Variants in TTC34 observed in about 807,000 individuals in gnomAD.
The protein encoded by TTC34 is tetratricopeptide repeat domain 34.
A neutral mutation model predicts 40.7 loss-of-function variants in TTC34; 44 were observed. That is an observed-to-expected ratio of 1.08 (90% CI 0.85 to 1.39). The LOEUF (loss-of-function observed/expected upper bound fraction) is 1.39. TTC34 is among the 40% of genes most tolerant of loss of function. TTC34 has a pLI of 0.00. For missense variants in TTC34, 884 were observed against 838.0 expected (o/e 1.05, Z -0.68); for synonymous variants, 422 against 398.6 (o/e 1.06, Z -0.70).
intron 6 of TTC34, among the ~76,000 whole-genome samples, chr1:2,749,642 A>ATC (rs1641253490): frequency 9.0e-6 from 1 of 110,672 alleles, no homozygotes; most frequent in East Asian, 2.6e-4. Flanking sequence ...CAGCCCCCAC[A>ATC]CCCAGAGGTG....
At chr1:2,693,239 TCTGA>T (rs1640708503) in intron 6 of TTC34, among the ~76,000 whole-genome samples, 1 of 136,876 alleles carries the variant, frequency 7.3e-6, no homozygotes, top group African/African-American at 2.8e-5. Context: ...CAGGTGAGCA[TCTGA>T]CAGCCTGGAA....
intron 6 of TTC34, among the ~76,000 whole-genome samples, chr1:2,750,232 C>A (rs1641270201): frequency 1.3e-5 from 2 of 152,086 alleles, no homozygotes; most frequent in African/African-American, 4.8e-5. Flanking sequence ...TGGTCTGGAG[C>A]AGCACCCACA....
intron 6 of TTC34, among the ~76,000 whole-genome samples, chr1:2,653,550 CCAGGA>C (rs1639225801): frequency 1.4e-5 from 2 of 142,480 alleles, no homozygotes; most frequent in South Asian, 2.3e-4. Flanking sequence ...TATCTGACGG[CCAGGA>C]ATAGCACCCA....
rs543248401 is a variant in TTC34, at chr1:2,694,814, C to T, written c.2227-49251G>A. 1.1e-4 allele frequency among the ~76,000 whole-genome samples: 10 copies of T among 89,988 alleles called. 2 individuals are homozygous for T. In the South Asian group the frequency reaches 2.9e-3, roughly 26 times the overall value. 59.0% of individuals were successfully genotyped at this position (89,988 alleles called of 152,430 possible). On this transcript the variant is annotated intron_variant, in intron 6 of 8. Transcript: ENST00000401095. ...CACACCCAGGCGAGCATCTGACAGC[C>T]TGGAACGACACCCACACCCCCAGGT... is the stretch of plus-strand genomic sequence containing the variant.
chr1:2,684,675 A>C, intron 6 of TTC34, among the ~76,000 whole-genome samples: 3 of 122,854 alleles, frequency 2.4e-5, no homozygotes, highest in African/African-American at 3.7e-5. Context: ...CAGCACCCAC[A>C]CGCCCAGGTG....
chr1:2,649,932 C>T (rs1639094639), intron 6 of TTC34, among the ~76,000 whole-genome samples: 1 of 149,644 alleles, frequency 6.7e-6, no homozygotes, highest in Non-Finnish European at 1.5e-5. Context: ...TCTGCATCCC[C>T]AGGTGAGCAT....
rs555446310 is a variant in TTC34 at position 2,649,357 on chromosome 1, C to G, written c.2227-3794G>C. Among the ~76,000 whole-genome samples, 54 of 152,160 alleles carry G rather than the reference C, an allele frequency of 3.5e-4. No individual in the cohort carries two copies. In the South Asian group the frequency reaches 0.011, roughly 32 times the overall value. On this transcript the variant is annotated intron_variant, in intron 6 of 8. Coordinates refer to ENST00000401095, the Ensembl canonical transcript of TTC34. ...GCATCTGACAGCCTAGAACGGCACC[C>G]CCCAGTTAGGTGAGAATCTGAATGC... is the stretch of plus-strand genomic sequence containing the variant.
chr1:2,756,626 C>A (rs1641514428), intron 6 of TTC34, among the ~76,000 whole-genome samples: 313 of 136,734 alleles, frequency 2.3e-3, no homozygotes, highest in Middle Eastern at 0.011. Context: ...AGCACCCACA[C>A]CCCCAGGTGA....
At chr1:2,639,455 T>C (rs1187954667) in exon 9 of TTC34, 1 of 152,418 alleles carries the variant, frequency 6.6e-6, no homozygotes, top group Non-Finnish European at 1.5e-5. Context: ...GGCCCCGACA[T>C]TGGAGCAGGC....
At chr1:2,687,968 C>T (rs1199281895) in intron 6 of TTC34, among the ~76,000 whole-genome samples, 2 of 151,544 alleles carry the variant, frequency 1.3e-5, no homozygotes, top group Non-Finnish European at 2.9e-5. Context: ...CACGCGCACC[C>T]CCAGGAGAGC....
chr1:2,654,131 C>G (rs1032961829), intron 6 of TTC34, among the ~76,000 whole-genome samples: 11 of 149,774 alleles, frequency 7.3e-5, no homozygotes, highest in South Asian at 2.1e-4. Context: ...CACCCACACC[C>G]CCAGGCGAGC....
At chr1:2,799,116 G>A (rs368443655) in intron 2 of TTC34, among the ~76,000 whole-genome samples, 53 of 70,366 alleles carry the variant, frequency 7.5e-4, no homozygotes, top group East Asian at 7.4e-3. Flanking sequence ...TCAGCCTCCC[G>A]GCCTCCCGGC....
intron 6 of TTC34, among the ~76,000 whole-genome samples, chr1:2,696,381 TGGAGCAGCACCCTACACCCCCAGGGGAGC>T (rs1433959557): frequency 6.1e-5 from 4 of 65,092 alleles, no homozygotes; most frequent in East Asian, 3.9e-4. Context: ...TCGGACAGCC[TGGAGCAGCACCCTACACCCCCAGGGGAGC>T]ATCCGACAGC....
chr1:2,641,850 T>G (rs1490189397), exon 9 of TTC34: 3 of 1,517,270 alleles, frequency 2.0e-6, no homozygotes, highest in East Asian at 4.9e-5. Context: ...AGCGCCTGCC[T>G]GGGTTGCCCT....
exon 2 of TTC34, chr1:2,800,196 C>G (rs956336066): frequency 1.3e-5 from 5 of 398,516 alleles, no homozygotes; most frequent in African/African-American, 1.0e-4. Flanking sequence ...TCGCTGGCCA[C>G]CGGTCTCCTG....
intron 3 of TTC34, 68 bp downstream of exon 3, chr1:2,789,435 C>A: frequency 7.1e-7 from 1 of 1,400,472 alleles, no homozygotes. Context: ...GGAGGAAACA[C>A]ATCCGTCGCT....
intron 6 of TTC34, among the ~76,000 whole-genome samples, chr1:2,756,803 G>C (rs1440223170): frequency 0.076 from 1,611 of 21,094 alleles, no homozygotes; most frequent in South Asian, 0.097. Context: ...GTGAACATCC[G>C]ACAGCCTGGA....
chr1:2,684,013 C>T (rs1640204976), intron 6 of TTC34, among the ~76,000 whole-genome samples: 2 of 126,390 alleles, frequency 1.6e-5, no homozygotes, highest in East Asian at 2.1e-4. Flanking sequence ...GAGCATCTGA[C>T]AGCCTGGAAC....
At chr1:2,764,559 A>G (rs1641743372) in intron 6 of TTC34, among the ~76,000 whole-genome samples, 3 of 143,206 alleles carry the variant, frequency 2.1e-5, no homozygotes, top group African/African-American at 7.7e-5. Context: ...TGAGCATCTG[A>G]CAGCCTGGAG....
Sources: gnomAD v4.1 joint callset for allele counts (sites outside exome capture counted in the v4.1 genomes callset) on GRCh38, gnomAD v4.1.1 for gene constraint, MANE v1.5 for transcripts, NCBI Gene and HGNC (gene_info 2026-07-23, HGNC 2026-07-21) for gene names.